TENM2: variants seen among roughly 807,000 people sequenced by gnomAD.
TENM2 encodes the protein teneurin-2.
In TENM2, 52 loss-of-function variants were observed where a neutral mutation model predicts 245.2. That is an observed-to-expected ratio of 0.21 (90% CI 0.17 to 0.27). The LOEUF (loss-of-function observed/expected upper bound fraction) is 0.27, where lower values mean the gene tolerates loss of function less well. TENM2 is among the 10% of genes least tolerant of loss of function. The pLI, the probability that TENM2 is intolerant of heterozygous loss-of-function variation, is 1.00. For synonymous variants in TENM2, 1,363 were observed against 1,438.9 expected, an observed-to-expected ratio of 0.95 and a Z score of 1.19; for missense variants, 3,046 against 3,666.8, an observed-to-expected ratio of 0.83 and a Z score of 4.37.
chr5:167,480,589 G>C (rs1464099157), intron 2 of TENM2, among the ~76,000 whole-genome samples: 1 of 152,134 alleles, frequency 6.6e-6, no homozygotes, highest in Non-Finnish European at 1.5e-5. Context: ...TCTGCATTTT[G>C]ACACAAAATC....
At chr5:167,140,772 T>A in the TENM2 span, among the ~76,000 whole-genome samples, 1 of 152,124 alleles carries the variant, frequency 6.6e-6, no homozygotes, top group South Asian at 2.1e-4. Context: ...TGGTGGCTGA[T>A]GGGCAAGGCT....
At chr5:167,335,402 A>G (rs1757697953) in intron 1 of TENM2, among the ~76,000 whole-genome samples, 1 of 152,176 alleles carries the variant, frequency 6.6e-6, no homozygotes, top group Admixed American at 6.5e-5. Context: ...TTACATTTCA[A>G]CATGAGATTT....
chr5:168,039,599 C>A (rs375395119), intron 5 of TENM2, among the ~76,000 whole-genome samples: 1 of 151,924 alleles, frequency 6.6e-6, no homozygotes, highest in African/African-American at 2.4e-5. Flanking sequence ...CGGTGGGAAA[C>A]GACACTCTGT....
At chr5:167,671,240 G>A (rs77146438) in intron 2 of TENM2, among the ~76,000 whole-genome samples, 53 of 152,252 alleles carry the variant, frequency 3.5e-4, no homozygotes, top group African/African-American at 1.2e-3. Flanking sequence ...AGACTATTTT[G>A]CTGTTGTATA....
At chr5:167,190,383 C>G in the TENM2 span, among the ~76,000 whole-genome samples, 1 of 151,928 alleles carries the variant, frequency 6.6e-6, no homozygotes, top group African/African-American at 2.4e-5. Flanking sequence ...CTTCGCATCC[C>G]CTCTTCCTAA....
chr5:167,891,917 A>C (rs1308795463), intron 3 of TENM2, among the ~76,000 whole-genome samples: 7 of 152,162 alleles, frequency 4.6e-5, no homozygotes. Context: ...CCTCTTTTCC[A>C]GAATAACCCA....
At chr5:167,792,031 T>C (rs1199251388) in intron 2 of TENM2, among the ~76,000 whole-genome samples, 2 of 152,126 alleles carry the variant, frequency 1.3e-5, no homozygotes, top group African/African-American at 4.8e-5. Context: ...GTTTTTCCTG[T>C]GGTAAAGAGG....
At chr5:167,096,783 T>C in the TENM2 span, among the ~76,000 whole-genome samples, 1 of 152,130 alleles carries the variant, frequency 6.6e-6, no homozygotes, top group Admixed American at 6.6e-5. Flanking sequence ...GTGGAGAAAA[T>C]AATAATGATA....
At chr5:167,534,339 G>C (rs1488327306) in intron 2 of TENM2, among the ~76,000 whole-genome samples, 1 of 152,180 alleles carries the variant, frequency 6.6e-6, no homozygotes, top group African/African-American at 2.4e-5. Flanking sequence ...ATTTCAAAGA[G>C]CGTGAAAACC....
chr5:168,098,278 G>T (rs547688619), intron 9 of TENM2, among the ~76,000 whole-genome samples, 151 bp downstream of exon 11: 7 of 152,144 alleles, frequency 4.6e-5, no homozygotes, highest in Middle Eastern at 3.4e-3. Context: ...ATAAGCCTTC[G>T]TAAAGAGTAG....
At chr5:167,710,077 C>T (rs116966754) in intron 2 of TENM2, among the ~76,000 whole-genome samples, 1 of 152,154 alleles carries the variant, frequency 6.6e-6, no homozygotes, top group East Asian at 1.9e-4. Context: ...GGTAGATAAA[C>T]AAAGGAAGAA....
chr5:167,228,082 A>T, the TENM2 span, among the ~76,000 whole-genome samples: 3 of 152,022 alleles, frequency 2.0e-5, no homozygotes, highest in Admixed American at 1.3e-4. Context: ...AGGCTAAAGT[A>T]CAATGGCATT....
intron 2 of TENM2, among the ~76,000 whole-genome samples, chr5:167,828,768 G>A (rs975842620): frequency 3.9e-5 from 6 of 152,208 alleles, no homozygotes; most frequent in African/African-American, 1.2e-4. Flanking sequence ...TATAAAAATG[G>A]CAGTCTAAAA....
At chr5:167,964,403 C>A (rs1231456958) in intron 4 of TENM2, among the ~76,000 whole-genome samples, 1 of 152,128 alleles carries the variant, frequency 6.6e-6, no homozygotes, top group Non-Finnish European at 1.5e-5. Flanking sequence ...ATACTAGAAG[C>A]CCTAATTTTA....
chr5:167,787,708 C>T (rs577276992), intron 2 of TENM2, among the ~76,000 whole-genome samples: 2 of 152,300 alleles, frequency 1.3e-5, no homozygotes, highest in East Asian at 3.9e-4. Flanking sequence ...AGAGAAGTAC[C>T]ATGCTTTGTT....
the TENM2 span, among the ~76,000 whole-genome samples, chr5:167,025,440 A>G: frequency 1.3e-5 from 2 of 152,178 alleles, no homozygotes; most frequent in South Asian, 4.1e-4. Flanking sequence ...AAGTTTTCCA[A>G]TAACTGAATA....
At chr5:168,010,295 C>T (rs1421017925) in intron 5 of TENM2, among the ~76,000 whole-genome samples, 4 of 152,258 alleles carry the variant, frequency 2.6e-5, no homozygotes, top group African/African-American at 4.8e-5. Context: ...AGGAAACCTG[C>T]CCTTGGGAAT....
intron 1 of TENM2, among the ~76,000 whole-genome samples, chr5:167,350,522 A>G (rs555790615): frequency 6.8e-6 from 1 of 146,136 alleles, no homozygotes; most frequent in African/African-American, 2.5e-5. Flanking sequence ...TCCTATCCAT[A>G]TATATATGGA....
At chr5:167,871,004 C>G (rs573697614) in intron 2 of TENM2, among the ~76,000 whole-genome samples, 2 of 152,152 alleles carry the variant, frequency 1.3e-5, no homozygotes, top group African/African-American at 4.8e-5. Flanking sequence ...AAGGGTTGGG[C>G]AGAGCAGCAA....
Sources: allele counts gnomAD v4.1 joint callset (sites outside exome capture counted in the v4.1 genomes callset), GRCh38; gene constraint gnomAD v4.1.1; transcripts MANE v1.5; gene names NCBI Gene and HGNC (gene_info 2026-07-23, HGNC 2026-07-21).